The following PLEKHG3 variants were observed in gnomAD, a reference collection of about 807,000 sequenced individuals.
The protein encoded by PLEKHG3 is pleckstrin homology and RhoGEF domain containing G3, also known as pleckstrin homology domain-containing family G member 3.
In PLEKHG3, 62 loss-of-function variants were observed where a neutral mutation model predicts 94.9. The observed-to-expected ratio is 0.65, with a 90% CI of 0.53 to 0.81. The LOEUF is 0.81. Among genes scored for constraint, PLEKHG3 ranks in the 30% least tolerant of loss-of-function variants. PLEKHG3 has a pLI of 0.00. For missense variants in PLEKHG3, 1,461 were observed against 1,619.3 expected, an observed-to-expected ratio of 0.90 and a Z score of 1.68; for synonymous variants, 614 against 654.0, an observed-to-expected ratio of 0.94 and a Z score of 0.93.
At chr14:64,712,795 C>G (rs1566691185) in intron 1 of PLEKHG3, among the ~76,000 whole-genome samples, 1 of 152,164 alleles carries the variant, frequency 6.6e-6, no homozygotes, top group Admixed American at 6.6e-5. Flanking sequence ...CAACCCAGAT[C>G]TCTTCTATTT....
intron 1 of PLEKHG3, among the ~76,000 whole-genome samples, chr14:64,709,000 C>G (rs1162778320): frequency 1.3e-5 from 2 of 152,194 alleles, no homozygotes; most frequent in African/African-American, 4.8e-5. Flanking sequence ...GACCTGAAGT[C>G]AGGAGAAAGA....
rs1415148970 is a variant in PLEKHG3 at position 64,715,361 on chromosome 14, C to G, written c.-40+10657C>G. 6.6e-6 allele frequency among the ~76,000 whole-genome samples: 1 copy of G among 152,134 alleles called. No individual in the cohort carries two copies. The highest frequency in any genetic ancestry group is 1.5e-5 in the Non-Finnish European group (1 of 68,020). Reference sequence around the variant, plus strand: ...GTGTGGATTCCAGCAAACCCTGGCTCCTCTACTTCCCTGACTGTATGGCCC... The same window carrying G: ...GTGTGGATTCCAGCAAACCCTGGCTGCTCTACTTCCCTGACTGTATGGCCC... On this transcript the variant is annotated intron_variant, in intron 1 of 16. Coordinates refer to ENST00000247226, the MANE Select transcript of PLEKHG3 (RefSeq NM_001308147.2). This position sits in a 1 kb window ranked among gnomAD's most constrained non-coding sequence, Gnocchi z 4.4.
chr14:64,735,406 G>A (rs1237511406), intron 12 of PLEKHG3, among the ~76,000 whole-genome samples: 1 of 152,150 alleles, frequency 6.6e-6, no homozygotes, highest in Admixed American at 6.5e-5. Flanking sequence ...GAGTCCAGGA[G>A]TTCAAGACCA....
rs17102003 is a variant in PLEKHG3 at position 64,716,365 on chromosome 14, G to A, written c.-39-11228G>A. On this transcript the variant is annotated intron_variant, in intron 1 of 16. Coordinates refer to ENST00000247226, the MANE Select transcript of PLEKHG3 (RefSeq NM_001308147.2). This position sits in a 1 kb window ranked among gnomAD's most constrained non-coding sequence, Gnocchi z 5.0. ...GGAGGCAACTGTAAATGGTTCTGCC[G>A]GGGACTTCAGGGGGACTTCATGTCG... 0.023 allele frequency among the ~76,000 whole-genome samples: 3,427 copies of A among 151,556 alleles called. 134 individuals carry two copies. The highest frequency in any genetic ancestry group is 0.078 in the African/African-American group (3,209 of 41,242).
chr14:64,735,585 C>T (rs2139389284), intron 12 of PLEKHG3, among the ~76,000 whole-genome samples: 1 of 152,332 alleles, frequency 6.6e-6, no homozygotes. Context: ...ACCCACCCAG[C>T]CTGGCTGACA....
rs2081626558 is a variant in PLEKHG3 at position 64,738,783 on chromosome 14, A to C, written c.1446A>C (p.Arg482Ser). Residue 482 changes from arginine to serine, a missense_variant, in exon 15 of 17, where the codon AGA (arginine) becomes AGC (serine). By Grantham distance (110) the Arg-to-Ser change is moderately radical. Around this residue, in one of 3 missense-constraint regions of PLEKHG3, gnomAD observed 1,201 missense variants for 1,295.5 expected, o/e 0.93. Coordinates refer to ENST00000247226, the MANE Select transcript of PLEKHG3 (RefSeq NM_001308147.2). The surrounding 1 kb of genome is among the most constrained non-coding windows in gnomAD (Gnocchi z 4.8). The part of the protein sequence containing the change: ...RRESESSRSS[R>S]RPSGRSPTST... ...AGTCTGAAAGCTCCAGGAGCAGCAG[A>C]AGGCCCAGTGGCCGGTCTCCAACCA... The C allele has an allele frequency of 6.3e-7, 1 of 1,599,916 alleles. No individual in the cohort carries two copies. Among genetic ancestry groups the C allele is most frequent in the African/African-American group, 1.3e-5 (1 of 74,736 alleles).
chr14:64,750,157 G>A lies in PLEKHG3; in HGVS notation c.*6454G>A. Reference sequence around the variant, plus strand: ...CACAGTACAGGTTGTTCCAGGACCTGCAAAGATGCAGACAGGCAGGTCACC... The same window carrying A: ...CACAGTACAGGTTGTTCCAGGACCTACAAAGATGCAGACAGGCAGGTCACC... On this transcript the variant is annotated 3_prime_UTR_variant, in exon 17 of 17. Transcript: ENST00000247226. The A allele has an allele frequency of 1.9e-6, 3 of 1,609,848 alleles. No homozygotes were observed. Among genetic ancestry groups the A allele is most frequent in the Non-Finnish European group, 2.5e-6 (3 of 1,176,480 alleles).
Position 64,743,730 on chromosome 14 carries a change from C to A in PLEKHG3, c.*27C>A. The A allele has an allele frequency of 2.0e-6, 3 of 1,513,364 alleles. No individual in the cohort carries two copies. The highest frequency in any genetic ancestry group is 2.6e-5 in the South Asian group (2 of 77,266). 93.7% of individuals were successfully genotyped at this position (1,513,364 alleles called of 1,614,324 possible). On this transcript the variant is annotated 3_prime_UTR_variant, in exon 17 of 17. Transcript: ENST00000247226. The surrounding 1 kb of genome is among the most constrained non-coding windows in gnomAD (Gnocchi z 7.2). ...GCTGACTCCTGGGGGAGGGAGGAGT[C>A]ATGTTGGAGGTTGGGGAAGAACCTG...
At position 64,743,011 on chromosome 14, in the gene PLEKHG3, G is replaced by T. The variant is rs1164496008; in HGVS notation, c.2968G>T (p.Asp990Tyr). The T allele has an allele frequency of 1.2e-6, 2 of 1,613,182 alleles. No homozygotes were observed. The highest frequency in any genetic ancestry group is 1.7e-5 in the Admixed American group (1 of 60,024). Residue 990 changes from aspartate to tyrosine, a missense_variant, in exon 17 of 17, where the codon GAC becomes TAC. Physicochemically the swap from Asp to Tyr is radical, Grantham distance 160. Coordinates refer to ENST00000247226, the MANE Select transcript of PLEKHG3 (RefSeq NM_001308147.2). This position sits in a 1 kb window ranked among gnomAD's most constrained non-coding sequence, Gnocchi z 7.2. Reference protein sequence around the residue: ...GKRKPVLSLFDYEQLMAQEHS... With the variant: ...GKRKPVLSLFYYEQLMAQEHS... ...GAGGAAGCCGGTGCTGTCTCTATTT[G>T]ACTATGAGCAGCTGATGGCCCAGGA...
rs1438649595 is a variant in PLEKHG3 at position 64,739,955 on chromosome 14, C to G, written c.1519-1081C>G. ...GTGTCAAATAATAATACAATGAGAA[C>G]CACCCATTACAAAGTTTAAAAGAAG... On this transcript the variant is annotated intron_variant, in intron 15 of 16. Transcript: ENST00000247226. The surrounding 1 kb of genome is among the most constrained non-coding windows in gnomAD (Gnocchi z 4.1). 1.3e-5 allele frequency among the ~76,000 whole-genome samples: 2 copies of G among 152,132 alleles called. No individual in the cohort carries two copies. The highest frequency in any genetic ancestry group is 2.9e-5 in the Non-Finnish European group (2 of 68,022).
Position 64,715,707 on chromosome 14 carries a change from TC to T in PLEKHG3, c.-40+11007del, listed in dbSNP as rs1372575295. The T allele has an allele frequency of 1.1e-5, 3 of 264,982 alleles. No individual in the cohort carries two copies. The highest frequency in any genetic ancestry group is 2.9e-4 in the East Asian group (2 of 6,882). 16.4% of individuals were successfully genotyped at this position (264,982 alleles called of 1,614,324 possible). The stretch of plus-strand genomic sequence containing the variant: ...CAGTATTTGATTCCTGCAGTTAGTA[TC>T]CCCTGTGCTTAATTGCTGGAGGTTT... On this transcript the variant is annotated intron_variant, in intron 1 of 16. Coordinates refer to ENST00000247226, the MANE Select transcript of PLEKHG3 (RefSeq NM_001308147.2). This position sits in a 1 kb window ranked among gnomAD's most constrained non-coding sequence, Gnocchi z 4.4.
In PLEKHG3 at chr14:64,716,550, C is replaced by CAA. The variant is rs2081166385; in HGVS notation, c.-39-11041_-39-11040dup. Among the ~76,000 whole-genome samples, 6 of 142,734 alleles carry CAA rather than the reference C, an allele frequency of 4.2e-5. No individual in the cohort carries two copies. The South Asian group carries it at 1.1e-3, about 27-fold the overall frequency. The allele number at this position is 142,734 out of a possible 152,430, so 93.6% of individuals were successfully genotyped here. Reference sequence around the variant, plus strand: ...ACACACACACACACACACACACACACAAAGCAGAGTTAATCTCCCACTTCT... The same window carrying CAA: ...ACACACACACACACACACACACACACAAAAAGCAGAGTTAATCTCCCACTTCT... On this transcript the variant is annotated intron_variant, in intron 1 of 16. Transcript: ENST00000247226. This position sits in a 1 kb window ranked among gnomAD's most constrained non-coding sequence, Gnocchi z 5.0.
intron 15 of PLEKHG3, 116 bp from the exon 16 acceptor site, chr14:64,740,920 G>A (rs2081672383): frequency 1.3e-6 from 1 of 794,966 alleles, no homozygotes; most frequent in South Asian, 1.8e-5. Context: ...ATTGCCTTGA[G>A]TCCTAAACTA....
chr14:64,735,224 C>G (rs1334663084), intron 12 of PLEKHG3, among the ~76,000 whole-genome samples: 4 of 152,194 alleles, frequency 2.6e-5, no homozygotes, highest in Non-Finnish European at 4.4e-5. Flanking sequence ...TCGTGCCCCT[C>G]TTCACGGTTC....
intron 3 of PLEKHG3, among the ~76,000 whole-genome samples, chr14:64,729,634 C>A (rs554320949): frequency 6.6e-6 from 1 of 152,288 alleles, no homozygotes; most frequent in African/African-American, 2.4e-5. Flanking sequence ...TCTGGAGGGG[C>A]AGGGCTTGAG....
In PLEKHG3 at chr14:64,739,623, G is replaced by A. The variant is rs932334316; in HGVS notation, c.1518+768G>A. 1.3e-5 allele frequency among the ~76,000 whole-genome samples: 2 copies of A among 152,264 alleles called. No homozygotes were observed. The highest frequency in any genetic ancestry group is 4.8e-5 in the African/African-American group (2 of 41,478). On this transcript the variant is annotated intron_variant, in intron 15 of 16. Transcript: ENST00000247226. The surrounding 1 kb of genome is among the most constrained non-coding windows in gnomAD (Gnocchi z 4.1). ...CTGTAACAAAATCCCTTACTGCTAC[G>A]TGGGTAGCTTAGTTATTGCTCACAG...
At chr14:64,736,557 CGCGAGGGCCCTGGGCCA>C (rs2081573319) in intron 12 of PLEKHG3, among the ~76,000 whole-genome samples, 3 of 152,158 alleles carry the variant, frequency 2.0e-5, no homozygotes. Context: ...ATGGCTCCTG[CGCGAGGGCCCTGGGCCA>C]GGTGCCCTAA....
Position 64,728,205 on chromosome 14 carries a change from A to G in PLEKHG3, c.351+223A>G, listed in dbSNP as rs1472382532. The stretch of plus-strand genomic sequence containing the variant: ...GGAGTGAGCATCGTTGATAGGGTGG[A>G]TCCCCAGCCTGCCTGGGAAGATGGC... On this transcript the variant is annotated intron_variant, in intron 2 of 16. Coordinates refer to ENST00000247226, the MANE Select transcript of PLEKHG3 (RefSeq NM_001308147.2). The surrounding 1 kb of genome is among the most constrained non-coding windows in gnomAD (Gnocchi z 5.9). Among the ~76,000 whole-genome samples, 1 of 152,224 alleles carries G rather than the reference A, an allele frequency of 6.6e-6. No individual in the cohort carries two copies. The highest frequency in any genetic ancestry group is 6.5e-5 in the Admixed American group (1 of 15,282).
Position 64,749,281 on chromosome 14 carries a change from C to T in PLEKHG3, c.*5578C>T. Reference sequence around the variant, plus strand: ...TGCCCGGTCTCTGCGCGTCCCGACTCCGCCGCGCCCGCCAGCCCCACCTGC... The same window carrying T: ...TGCCCGGTCTCTGCGCGTCCCGACTTCGCCGCGCCCGCCAGCCCCACCTGC... On this transcript the variant is annotated 3_prime_UTR_variant, in exon 17 of 17. Coordinates refer to ENST00000247226, the MANE Select transcript of PLEKHG3 (RefSeq NM_001308147.2). This position sits in a 1 kb window ranked among gnomAD's most constrained non-coding sequence, Gnocchi z 4.7. The T allele has an allele frequency of 6.4e-6, 10 of 1,557,094 alleles. No homozygotes were observed. The highest frequency in any genetic ancestry group is 8.6e-6 in the Non-Finnish European group (10 of 1,156,266).
Sources: allele counts gnomAD v4.1 joint callset (sites outside exome capture counted in the v4.1 genomes callset), GRCh38; gene constraint gnomAD v4.1.1; regional missense constraint gnomAD v4.1.1; non-coding constraint Gnocchi (gnomAD v3.1); transcripts MANE v1.5; gene names NCBI Gene and HGNC (gene_info 2026-07-23, HGNC 2026-07-21).